The following WDFY1 variants were observed in gnomAD, a reference collection of about 807,000 sequenced individuals.
WDFY1 encodes the protein WD repeat and FYVE domain-containing protein 1.
Under a neutral mutation model 56.4 loss-of-function variants are expected in WDFY1, and 32 were observed. The ratio of observed to expected loss-of-function variants is 0.57; its 90% confidence interval spans 0.43 to 0.76. WDFY1 has a LOEUF of 0.76. Among genes scored for constraint, WDFY1 ranks in the 30% least tolerant of loss-of-function variants. WDFY1 has a pLI of 0.00. For missense variants in WDFY1, 480 were observed against 545.7 expected (o/e 0.88, Z 1.20); for synonymous variants, 192 against 197.3 (o/e 0.97, Z 0.23).
chr2:223,934,219 G>A (rs1188923438), intron 1 of WDFY1, among the ~76,000 whole-genome samples: 2 of 151,438 alleles, frequency 1.3e-5, no homozygotes, highest in Non-Finnish European at 2.9e-5. Context: ...CTACCGAGTA[G>A]CTGGGACTAC....
At chr2:223,881,386 A>G (rs146683853) in intron 10 of WDFY1, among the ~76,000 whole-genome samples, 7 of 152,314 alleles carry the variant, frequency 4.6e-5, no homozygotes, top group African/African-American at 1.2e-4. Context: ...TGGACCATGT[A>G]ACTTAGCATT....
Position 223,945,261 on chromosome 2 carries a change from C to T in WDFY1, c.24G>A (p.Arg8=). Residue 8 remains arginine, a synonymous_variant, in exon 1 of 12, where the codon AGG becomes AGA. Coordinates refer to ENST00000233055, the MANE Select transcript of WDFY1 (RefSeq NM_020830.5). ...GCAGCACCGGGCGGCTGCTCTGCGG[C>T]CTGGAGTGGATTTCGGCCGCCATGT... MAAEIHS[R]PQSSRPVLLS... 1 of 1,582,282 alleles carries T rather than the reference C, an allele frequency of 6.3e-7. No homozygotes were observed. Among genetic ancestry groups the T allele is most frequent in the East Asian group, 2.4e-5 (1 of 41,226 alleles).
intron 1 of WDFY1, among the ~76,000 whole-genome samples, chr2:223,919,303 C>T (rs1009771070): frequency 2.0e-5 from 3 of 152,184 alleles, no homozygotes; most frequent in African/African-American, 4.8e-5. Flanking sequence ...CGCCACCTCC[C>T]GGGTTCAAGG....
chr2:223,896,183 A>AAAAAAAAAAAAAAAG (rs1693372954), intron 6 of WDFY1, among the ~76,000 whole-genome samples: 1 of 137,320 alleles, frequency 7.3e-6, no homozygotes, highest in Non-Finnish European at 1.6e-5. Flanking sequence ...AAAAAAAAAA[A>AAAAAAAAAAAAAAAG]CTGCTTGTAA....
rs556818649 is a variant in WDFY1 at position 223,877,798 on chromosome 2, G to C, written c.*873C>G. On this transcript the variant is annotated 3_prime_UTR_variant, in exon 12 of 12. Transcript: ENST00000233055. ...AAGTAGAATGCTGTTTCAGTTAAGA[G>C]GACTGGGCTGTTTCAGGCAACAGAC... The C allele has an allele frequency of 6.5e-6, 1 of 152,720 alleles. No homozygotes were observed. The highest frequency in any genetic ancestry group is 1.9e-4 in the East Asian group (1 of 5,182). 9.5% of individuals were successfully genotyped at this position (152,720 alleles called of 1,614,324 possible).
intron 1 of WDFY1, among the ~76,000 whole-genome samples, chr2:223,925,656 A>G (rs1458416024): frequency 1.3e-5 from 2 of 152,202 alleles, no homozygotes; most frequent in Non-Finnish European, 2.9e-5. Flanking sequence ...ATTTAATAGC[A>G]TTTTACCCAT....
chr2:223,888,788 A>G (rs1693214203), intron 8 of WDFY1, among the ~76,000 whole-genome samples: 2 of 150,564 alleles, frequency 1.3e-5, no homozygotes, highest in South Asian at 2.1e-4. Context: ...GGGTTTCACC[A>G]TGTTGGTTAG....
At chr2:223,887,004 G>C (rs1206642441) in intron 8 of WDFY1, among the ~76,000 whole-genome samples, 1 of 152,148 alleles carries the variant, frequency 6.6e-6, no homozygotes, top group Non-Finnish European at 1.5e-5. Flanking sequence ...GCACTCACAA[G>C]TAGACTGAAA....
At chr2:223,932,771 T>G (rs1349325837) in intron 1 of WDFY1, among the ~76,000 whole-genome samples, 1 of 152,050 alleles carries the variant, frequency 6.6e-6, no homozygotes, top group African/African-American at 2.4e-5. Context: ...TTAGGGATGC[T>G]GATACTATTT....
intron 10 of WDFY1, among the ~76,000 whole-genome samples, chr2:223,880,555 C>T (rs111783499): frequency 2.0e-5 from 3 of 149,310 alleles, no homozygotes; most frequent in East Asian, 2.0e-4. Context: ...TGCAGTGAGC[C>T]GAGATTGTAC....
intron 8 of WDFY1, among the ~76,000 whole-genome samples, chr2:223,893,898 A>G (rs1261953229): frequency 1.3e-5 from 2 of 152,242 alleles, no homozygotes; most frequent in African/African-American, 4.8e-5. Flanking sequence ...CTACGGGACC[A>G]CAATGGTGCT....
At chr2:223,934,569 G>A (rs1485360086) in intron 1 of WDFY1, among the ~76,000 whole-genome samples, 1 of 152,040 alleles carries the variant, frequency 6.6e-6, no homozygotes, top group Non-Finnish European at 1.5e-5. Context: ...CACCCAAGCT[G>A]GAGTGCAATG....
rs555127946 is a variant in WDFY1, at chr2:223,883,770, C to G, written c.933+878G>C. ...AAGTGATTCTCCTGCCTCAGCCTCC[C>G]GAGTAGCTGGGATTACAGGCGTCCG... On this transcript the variant is annotated intron_variant, in intron 9 of 11. Transcript: ENST00000233055. Among the ~76,000 whole-genome samples the G allele has an allele frequency of 1.4e-3, 220 of 152,260 alleles. 2 individuals carry two copies. The highest frequency in any genetic ancestry group is 6.8e-3 in the Middle Eastern group (2 of 294).
At chr2:223,917,910 AT>A in intron 2 of WDFY1, 32 bp downstream of exon 2, 1 of 1,610,952 alleles carries the variant, frequency 6.2e-7, no homozygotes, top group Non-Finnish European at 8.5e-7. Context: ...CATTAGAGAC[AT>A]TTCTCTCAAA....
chr2:223,906,942 G>T (rs115612505), intron 3 of WDFY1, among the ~76,000 whole-genome samples: 1 of 136,844 alleles, frequency 7.3e-6, no homozygotes. Flanking sequence ...GAAAAATCAC[G>T]AATTACTACT....
At chr2:223,912,868 G>A (rs1214488930) in intron 2 of WDFY1, among the ~76,000 whole-genome samples, 1 of 152,112 alleles carries the variant, frequency 6.6e-6, no homozygotes, top group East Asian at 1.9e-4. Context: ...GAAATCACAG[G>A]CTAGAGAATG....
At chr2:223,927,970 G>C (rs1374627076) in intron 1 of WDFY1, among the ~76,000 whole-genome samples, 6 of 152,078 alleles carry the variant, frequency 3.9e-5, no homozygotes, top group East Asian at 1.9e-4. Context: ...GAGAGAGAGA[G>C]AGACAGACAG....
chr2:223,930,176 A>C (rs1350838818), intron 1 of WDFY1, among the ~76,000 whole-genome samples: 1 of 152,228 alleles, frequency 6.6e-6, no homozygotes, highest in Non-Finnish European at 1.5e-5. Flanking sequence ...GATTTAGCCC[A>C]ATCTAGCTAC....
At chr2:223,928,878 A>G (rs911959592) in intron 1 of WDFY1, among the ~76,000 whole-genome samples, 1 of 152,168 alleles carries the variant, frequency 6.6e-6, no homozygotes, top group Non-Finnish European at 1.5e-5. Flanking sequence ...AGTGGATTCA[A>G]CGTGTCTGCA....
Sources: gnomAD v4.1 joint callset for allele counts (sites outside exome capture counted in the v4.1 genomes callset) on GRCh38, gnomAD v4.1.1 for gene constraint, MANE v1.5 for transcripts, NCBI Gene and HGNC (gene_info 2026-07-23, HGNC 2026-07-21) for gene names.